Variants in FGFR2 observed in about 807,000 individuals in gnomAD.
FGFR2 encodes BEK fibroblast growth factor receptor.
In FGFR2, 19 loss-of-function variants were observed where a neutral mutation model predicts 95.9. The observed-to-expected ratio is 0.20, with a 90% confidence interval of 0.14 to 0.29. The LOEUF (loss-of-function observed/expected upper bound fraction) is 0.29. Among genes scored for constraint, FGFR2 ranks in the 10% least tolerant of loss-of-function variants. The pLI, the probability that FGFR2 is intolerant of heterozygous loss-of-function variation, is 1.00. For synonymous variants in FGFR2, 392 were observed against 393.3 expected (o/e 1.00, Z 0.04); for missense variants, 707 against 1,056.9 (o/e 0.67, Z 4.59).
chr10:121,491,027 C>T (rs1459337229), intron 13 of FGFR2, among the ~76,000 whole-genome samples: 2 of 152,202 alleles, frequency 1.3e-5, no homozygotes, highest in African/African-American at 4.8e-5. Context: ...AGCCCCGGGC[C>T]AAACTCTCCC....
At chr10:121,536,715 A>C (rs1264652084) in intron 6 of FGFR2, among the ~76,000 whole-genome samples, 1 of 152,112 alleles carries the variant, frequency 6.6e-6, no homozygotes, top group Non-Finnish European at 1.5e-5. Flanking sequence ...ACTCAACCTA[A>C]AACTTGCTTT....
chr10:121,557,815 C>T (rs889825687), intron 4 of FGFR2, among the ~76,000 whole-genome samples: 2 of 152,084 alleles, frequency 1.3e-5, no homozygotes, highest in Admixed American at 6.6e-5. Flanking sequence ...GAACTGTTAT[C>T]GGCAGGTTAA....
chr10:121,538,217 T>C (rs1853140963), intron 6 of FGFR2: 1 of 632,044 alleles, frequency 1.6e-6, no homozygotes, highest in Non-Finnish European at 2.9e-6. Context: ...ACAGTTGCCC[T>C]GTTGGGGAAA....
chr10:121,546,439 A>G (rs1398109716), intron 5 of FGFR2, among the ~76,000 whole-genome samples: 1 of 152,214 alleles, frequency 6.6e-6, no homozygotes, highest in Non-Finnish European at 1.5e-5. Flanking sequence ...CTTTACTATT[A>G]TATCAATCAC....
chr10:121,576,422 G>A (rs75691432), intron 2 of FGFR2, among the ~76,000 whole-genome samples: 4,023 of 152,230 alleles, frequency 0.026, 136 homozygotes, highest in African/African-American at 0.079. Flanking sequence ...AGCAGAGAAA[G>A]CTGGTACATC....
intron 2 of FGFR2, among the ~76,000 whole-genome samples, chr10:121,593,339 A>G (rs1452064255): frequency 6.6e-6 from 1 of 152,176 alleles, no homozygotes; most frequent in Non-Finnish European, 1.5e-5. Context: ...CGAAAATAGC[A>G]ATTCTTTACA....
intron 17 of FGFR2, among the ~76,000 whole-genome samples, chr10:121,481,312 G>C (rs1844640303): frequency 6.6e-6 from 1 of 152,044 alleles, no homozygotes; most frequent in Admixed American, 6.6e-5. Context: ...GGGGCAAAAA[G>C]TGCAGACCAC....
At chr10:121,591,009 ACACTCTCTCT>A (rs1862566965) in intron 2 of FGFR2, among the ~76,000 whole-genome samples, 2 of 142,620 alleles carry the variant, frequency 1.4e-5, no homozygotes, top group South Asian at 2.1e-4. Context: ...ACACACACGC[ACACTCTCTCT>A]CTCTCTCTCT....
At chr10:121,534,091 CTTTTTTTTTTTTTTTT>C (rs1022674124) in intron 6 of FGFR2, among the ~76,000 whole-genome samples, 1 of 92,118 alleles carries the variant, frequency 1.1e-5, no homozygotes, top group East Asian at 3.2e-4. Context: ...CCCAAAATGG[CTTTTTTTTTTTTTTTT>C]TTTTTTTTTG....
intron 2 of FGFR2, among the ~76,000 whole-genome samples, chr10:121,576,665 G>A (rs937561973): frequency 2.0e-5 from 3 of 152,080 alleles, no homozygotes; most frequent in African/African-American, 7.2e-5. Context: ...TCCATTCCCT[G>A]AGTCCTAATG....
chr10:121,479,030 C>T lies in FGFR2; in HGVS notation c.*827G>A, dbSNP rs1458673208. 2 of 233,172 alleles carry T rather than the reference C, an allele frequency of 8.6e-6. No individual in the cohort carries two copies. The highest frequency in any genetic ancestry group is 6.1e-5 in the East Asian group (1 of 16,492). 14.4% of individuals were successfully genotyped at this position (233,172 alleles called of 1,614,324 possible). On this transcript the variant is annotated 3_prime_UTR_variant, in exon 18 of 18. Coordinates refer to ENST00000358487, the MANE Select transcript of FGFR2 (RefSeq NM_000141.5). ...GGCATTTAGGAGGTCTAAGAACAAT[C>T]GTCTGACAGCAGCATTTAAACACAA...
At chr10:121,513,918 T>A (rs1296344984) in intron 9 of FGFR2, among the ~76,000 whole-genome samples, 4 of 152,176 alleles carry the variant, frequency 2.6e-5, no homozygotes, top group Non-Finnish European at 5.9e-5. Flanking sequence ...CCAAAACCAC[T>A]GCTGACCAAC....
intron 2 of FGFR2, among the ~76,000 whole-genome samples, chr10:121,582,521 GCGGTGGTTCACAC>G: frequency 6.6e-6 from 1 of 152,138 alleles, no homozygotes; most frequent in Non-Finnish European, 1.5e-5. Flanking sequence ...ACGGCCAGGT[GCGGTGGTTCACAC>G]CTGTAATCCC....
At chr10:121,486,698 C>T (rs372607235) in intron 15 of FGFR2, among the ~76,000 whole-genome samples, 18 of 152,312 alleles carry the variant, frequency 1.2e-4, no homozygotes, top group East Asian at 3.9e-4. Context: ...CCTTGCCCTC[C>T]CAAAGTGCTG....
rs75798664 is a variant in FGFR2, at chr10:121,592,943, G to A, written c.109+766C>T. On this transcript the variant is annotated intron_variant, in intron 2 of 17. Coordinates refer to ENST00000358487, the MANE Select transcript of FGFR2 (RefSeq NM_000141.5). Reference sequence around the variant, plus strand: ...AGCACCAAGTAGAGGCTTGGCTCACGTTGTCTCCAAAGGGCTGGGAGAGAG... The same window carrying A: ...AGCACCAAGTAGAGGCTTGGCTCACATTGTCTCCAAAGGGCTGGGAGAGAG... Among the ~76,000 whole-genome samples the A allele has an allele frequency of 2.3e-3, 347 of 152,314 alleles. 1 individual carries two copies. In the Middle Eastern group the frequency reaches 0.027, roughly 12 times the overall value.
chr10:121,559,000 C>A (rs938948712), intron 4 of FGFR2, among the ~76,000 whole-genome samples: 6 of 151,352 alleles, frequency 4.0e-5, no homozygotes. Context: ...CTTATGTTAA[C>A]CAACAAAATT....
chr10:121,493,082 A>G (rs978158978), intron 13 of FGFR2, among the ~76,000 whole-genome samples: 1 of 152,084 alleles, frequency 6.6e-6, no homozygotes, highest in African/African-American at 2.4e-5. Context: ...CTGGTCTCAA[A>G]CCATTCATGC....
chr10:121,583,303 C>T (rs1216391052), intron 2 of FGFR2: 4 of 152,198 alleles, frequency 2.6e-5, no homozygotes, highest in Non-Finnish European at 5.9e-5. Flanking sequence ...GGAAGAAAAG[C>T]TTGACATAAT....
chr10:121,565,522 T>C lies in FGFR2; in HGVS notation c.292A>G (p.Thr98Ala), dbSNP rs1483189961. The change falls in exon 3 of 18, where the codon ACG becomes GCG. Residue 98 changes from threonine (T) to alanine (A), a missense_variant. Transcript: ENST00000358487. Reference protein sequence around the residue: ...IGEYLQIKGATPRDSGLYACT... With the variant: ...IGEYLQIKGAAPRDSGLYACT... ...GCATAGAGGCCGGAGTCTCTAGGCG[T>C]GGCGCCCTTTATCTGCAAGTACTCC... The C allele has an allele frequency of 1.2e-6, 2 of 1,614,122 alleles. No homozygotes were observed. The highest frequency in any genetic ancestry group is 8.5e-7 in the Non-Finnish European group (1 of 1,180,064).
Sources: allele counts gnomAD v4.1 joint callset (sites outside exome capture counted in the v4.1 genomes callset), GRCh38; gene constraint gnomAD v4.1.1; transcripts MANE v1.5; gene names NCBI Gene and HGNC (gene_info 2026-07-23, HGNC 2026-07-21).